The following TFEC variants were observed in gnomAD, a reference collection of about 807,000 sequenced individuals.
TFEC encodes class E basic helix-loop-helix protein 34.
Under a neutral mutation model 41.6 loss-of-function variants are expected in TFEC, and 31 were observed. The observed-to-expected ratio is 0.74, with a 90% CI of 0.56 to 1.01. TFEC has a LOEUF of 1.01. TFEC is among the 50% of genes least tolerant of loss of function. The pLI is 0.00. For missense variants in TFEC, 402 were observed against 404.1 expected (o/e 0.99, Z 0.04); for synonymous variants, 143 against 140.6 (o/e 1.02, Z -0.12).
chr7:116,091,806 A>G (rs910979523), intron 3 of TFEC, among the ~76,000 whole-genome samples: 1 of 152,118 alleles, frequency 6.6e-6, no homozygotes, highest in Non-Finnish European at 1.5e-5. Flanking sequence ...AGTTGTATAG[A>G]AAAAAAGATT....
At chr7:116,011,116 C>T (rs999156929) in intron 1 of TFEC, among the ~76,000 whole-genome samples, 13 of 152,232 alleles carry the variant, frequency 8.5e-5, no homozygotes, top group African/African-American at 2.9e-4. Flanking sequence ...GTATGCTTTG[C>T]TGCAGATGTA....
At chr7:115,978,462 C>CAA (rs1415416374) in intron 2 of TFEC, among the ~76,000 whole-genome samples, 3 of 152,158 alleles carry the variant, frequency 2.0e-5, no homozygotes, top group African/African-American at 7.2e-5. Context: ...TCTTACTCAT[C>CAA]AAATGCAGCC....
intron 1 of TFEC, among the ~76,000 whole-genome samples, chr7:115,990,382 T>C (rs1320480608): frequency 6.6e-6 from 1 of 152,044 alleles, no homozygotes; most frequent in Non-Finnish European, 1.5e-5. Flanking sequence ...GAGAATGACT[T>C]TGAGGAGTTG....
chr7:116,098,651 T>C (rs1797527684), intron 3 of TFEC, among the ~76,000 whole-genome samples: 1 of 152,142 alleles, frequency 6.6e-6, no homozygotes, highest in African/African-American at 2.4e-5. Flanking sequence ...ACTGTTAAAG[T>C]AACTGATCTT....
chr7:115,988,051 G>A (rs1217181514), intron 1 of TFEC, among the ~76,000 whole-genome samples: 3 of 152,054 alleles, frequency 2.0e-5, no homozygotes, highest in South Asian at 2.1e-4. Flanking sequence ...ATCCTAACAT[G>A]CTGCTATTGC....
At chr7:115,975,391 C>G (rs1793334989) in intron 2 of TFEC, among the ~76,000 whole-genome samples, 1 of 152,160 alleles carries the variant, frequency 6.6e-6, no homozygotes, top group Admixed American at 6.5e-5. Flanking sequence ...CAGGAGTACA[C>G]TCTAATAGAT....
At chr7:115,987,364 C>G (rs1400573831) in intron 1 of TFEC, among the ~76,000 whole-genome samples, 3 of 152,300 alleles carry the variant, frequency 2.0e-5, no homozygotes, top group Middle Eastern at 3.4e-3. Flanking sequence ...CTATGTACCA[C>G]TAATTTTAAA....
intron 3 of TFEC, among the ~76,000 whole-genome samples, chr7:116,108,823 GT>G (rs1797779630): frequency 6.6e-6 from 1 of 152,124 alleles, no homozygotes; most frequent in East Asian, 1.9e-4. Flanking sequence ...TTCATAAGCA[GT>G]TTTTGGCATA....
intron 3 of TFEC, among the ~76,000 whole-genome samples, chr7:116,060,139 G>T (rs964632750): frequency 1.3e-5 from 2 of 152,010 alleles, no homozygotes; most frequent in African/African-American, 4.8e-5. Flanking sequence ...AAATCAATAT[G>T]TAAAAATGAA....
intron 1 of TFEC, among the ~76,000 whole-genome samples, chr7:116,156,802 C>T (rs1798878343): frequency 6.6e-6 from 1 of 152,204 alleles, no homozygotes; most frequent in Non-Finnish European, 1.5e-5. Context: ...ATACCTTCAT[C>T]TCCTCATCTC....
chr7:116,146,913 GA>G (rs1798652617), intron 1 of TFEC, among the ~76,000 whole-genome samples: 1 of 152,080 alleles, frequency 6.6e-6, no homozygotes, highest in Non-Finnish European at 1.5e-5. Flanking sequence ...AGACATATTT[GA>G]AAAAGAACAA....
chr7:115,964,815 T>C (rs1792760237), intron 3 of TFEC, among the ~76,000 whole-genome samples: 1 of 151,620 alleles, frequency 6.6e-6, no homozygotes, highest in Non-Finnish European at 1.5e-5. Flanking sequence ...ATGTTTACAG[T>C]ATCAGTCTAT....
chr7:116,006,885 G>T (rs776097705), intron 1 of TFEC, among the ~76,000 whole-genome samples: 36 of 152,152 alleles, frequency 2.4e-4, no homozygotes, highest in Admixed American at 4.6e-4. Context: ...AGTCTCATGA[G>T]ATCTGATGGT....
At chr7:116,140,516 C>A (rs1010463526) in intron 1 of TFEC, among the ~76,000 whole-genome samples, 1 of 152,178 alleles carries the variant, frequency 6.6e-6, no homozygotes. Flanking sequence ...CTGACAAGAA[C>A]TTTTATATAA....
At chr7:115,954,506 G>A in intron 5 of TFEC, 80 bp downstream of exon 5, 2 of 1,140,890 alleles carry the variant, frequency 1.8e-6, no homozygotes, top group Non-Finnish European at 2.5e-6. Flanking sequence ...AATACTTATG[G>A]AGTATAATAA....
At chr7:115,988,079 G>C (rs1167466278) in intron 1 of TFEC, among the ~76,000 whole-genome samples, 3 of 152,138 alleles carry the variant, frequency 2.0e-5, no homozygotes, top group Admixed American at 2.0e-4. Flanking sequence ...CCTATATAGA[G>C]AATATTTTCC....
intron 3 of TFEC, among the ~76,000 whole-genome samples, chr7:116,052,677 T>C (rs1796339528): frequency 6.6e-6 from 1 of 151,460 alleles, no homozygotes; most frequent in African/African-American, 2.4e-5. Context: ...TCCACCCACC[T>C]TAGCCTCCCA....
intron 1 of TFEC, among the ~76,000 whole-genome samples, chr7:116,003,745 G>C (rs2130784947): frequency 6.6e-6 from 1 of 152,044 alleles, no homozygotes; most frequent in African/African-American, 2.4e-5. Flanking sequence ...AACCATAAAA[G>C]ACACTATACA....
intron 1 of TFEC, among the ~76,000 whole-genome samples, chr7:116,019,753 C>A (rs140531320): frequency 0.021 from 3,141 of 152,252 alleles, 75 homozygotes; most frequent in Admixed American, 0.029. Context: ...TTACAGAGCA[C>A]TTTCTTAACC....
Sources: gnomAD v4.1 joint callset for allele counts (sites outside exome capture counted in the v4.1 genomes callset) on GRCh38, gnomAD v4.1.1 for gene constraint, MANE v1.5 for transcripts, NCBI Gene and HGNC (gene_info 2026-07-23, HGNC 2026-07-21) for gene names.